Variants in FER1L6 observed in about 807,000 individuals in gnomAD.
FER1L6 encodes fer-1-like protein 6.
In FER1L6, 177 loss-of-function variants were observed where a neutral mutation model predicts 219.2. That is an observed-to-expected ratio of 0.81 (90% CI 0.71 to 0.91). The LOEUF (loss-of-function observed/expected upper bound fraction) is 0.91. Among genes scored for constraint, FER1L6 ranks in the 40% least tolerant of loss-of-function variants. The pLI, the probability that FER1L6 is intolerant of heterozygous loss-of-function variation, is 0.00. For synonymous variants in FER1L6, 768 were observed against 824.3 expected (o/e 0.93, Z 1.17); for missense variants, 2,153 against 2,259.9 (o/e 0.95, Z 0.96).
At chr8:124,059,892 A>G (rs1187043793) in intron 22 of FER1L6, among the ~76,000 whole-genome samples, 5 of 152,192 alleles carry the variant, frequency 3.3e-5, no homozygotes, top group Non-Finnish European at 7.3e-5. Context: ...TGTAAAGACC[A>G]TCTTCCGTAT....
intron 10 of FER1L6, among the ~76,000 whole-genome samples, chr8:123,978,067 T>TG (rs145336334): frequency 0.015 from 2,239 of 152,116 alleles, 31 homozygotes; most frequent in African/African-American, 0.035. Context: ...GTAGGGTCTG[T>TG]GGTTTGAGTT....
intron 1 of FER1L6, among the ~76,000 whole-genome samples, chr8:123,941,820 G>C (rs188122071): frequency 2.6e-5 from 4 of 152,266 alleles, no homozygotes; most frequent in Non-Finnish European, 5.9e-5. Flanking sequence ...GCAGACGAGG[G>C]AAGGAGGCTT....
intron 1 of FER1L6, among the ~76,000 whole-genome samples, chr8:123,902,366 C>T (rs1414978798): frequency 6.6e-6 from 1 of 152,062 alleles, no homozygotes; most frequent in African/African-American, 2.4e-5. Context: ...TCTTTGTTGA[C>T]TTTTTGTCTT....
chr8:124,111,959 ACT>A lies in FER1L6; in HGVS notation c.5290-6882_5290-6881del, dbSNP rs1444493172. ...TTGCTCTGGTTCAAATGCCTCTGAC[ACT>A]CTTTCCCCCTTAAGTAACCAATAAC... On this transcript the variant is annotated intron_variant, in intron 39 of 40. Transcript: ENST00000522917. The surrounding 1 kb of genome is among the most constrained non-coding windows in gnomAD (Gnocchi z 5.0). Among the ~76,000 whole-genome samples the A allele has an allele frequency of 1.3e-5, 2 of 152,032 alleles. No individual in the cohort carries two copies. Among genetic ancestry groups the A allele is most frequent in the Non-Finnish European group, 2.9e-5 (2 of 68,004 alleles).
chr8:124,049,954 AGT>A (rs1819930927), intron 22 of FER1L6, among the ~76,000 whole-genome samples, 198 bp downstream of exon 22: 1 of 152,132 alleles, frequency 6.6e-6, no homozygotes. Context: ...TGAGCTTATA[AGT>A]CAGAATCTCA....
chr8:124,052,775 ACT>A (rs1491122205), intron 22 of FER1L6, among the ~76,000 whole-genome samples: 2 of 152,010 alleles, frequency 1.3e-5, no homozygotes, highest in Admixed American at 6.6e-5. Context: ...ACAGAGCAAG[ACT>A]CTGTCTCAAA....
At chr8:124,021,413 G>T (rs181288020) in intron 16 of FER1L6, 137 bp from the exon 17 acceptor site, 17 of 1,097,074 alleles carry the variant, frequency 1.5e-5, no homozygotes, top group Non-Finnish European at 2.1e-5. Flanking sequence ...CAGCATGCAC[G>T]GTGGCAGACC....
At chr8:124,017,051 T>C (rs1586595909) in intron 15 of FER1L6, among the ~76,000 whole-genome samples, 3 of 152,304 alleles carry the variant, frequency 2.0e-5, no homozygotes, top group South Asian at 4.1e-4. Flanking sequence ...ATGTTATTAA[T>C]TTTAATTTGC....
At chr8:124,032,002 C>G (rs1818988703) in intron 18 of FER1L6, among the ~76,000 whole-genome samples, 1 of 152,194 alleles carries the variant, frequency 6.6e-6, no homozygotes, top group Admixed American at 6.5e-5. Flanking sequence ...CAGCAACAGT[C>G]TTTGTGGAAC....
intron 34 of FER1L6, 46 bp from the exon 35 acceptor site, chr8:124,094,850 C>A (rs547355782): frequency 5.0e-6 from 8 of 1,607,376 alleles, no homozygotes; most frequent in Non-Finnish European, 6.8e-6. Flanking sequence ...ATCACTGTCT[C>A]CTTGCAGGAA....
intron 1 of FER1L6, among the ~76,000 whole-genome samples, chr8:123,925,133 T>G (rs1813514492): frequency 1.3e-5 from 2 of 152,258 alleles, no homozygotes; most frequent in African/African-American, 2.4e-5. Flanking sequence ...CGATATGTAA[T>G]GGACACTGAA....
At chr8:124,049,856 C>T (rs1367066773) in intron 22 of FER1L6, 100 bp downstream of exon 22, 16 of 1,202,534 alleles carry the variant, frequency 1.3e-5, no homozygotes, top group Non-Finnish European at 1.6e-5. Context: ...CCTGATCCCT[C>T]GCTGCAATCC....
chr8:124,106,031 G>A (rs1180953878), intron 39 of FER1L6, among the ~76,000 whole-genome samples: 2 of 152,114 alleles, frequency 1.3e-5, no homozygotes, highest in Admixed American at 6.6e-5. Context: ...CTGGTATGGA[G>A]TTTCTTTTTG....
chr8:124,042,849 A>G (rs765420584), intron 20 of FER1L6, among the ~76,000 whole-genome samples: 4 of 152,232 alleles, frequency 2.6e-5, no homozygotes, highest in Non-Finnish European at 4.4e-5. Context: ...AGGGGAATCC[A>G]GTCATTCCCA....
intron 14 of FER1L6, among the ~76,000 whole-genome samples, chr8:124,011,815 A>G (rs1817946901): frequency 6.6e-6 from 1 of 152,132 alleles, no homozygotes; most frequent in African/African-American, 2.4e-5. Context: ...TGGACCTCTT[A>G]TCATACTTTA....
intron 1 of FER1L6, among the ~76,000 whole-genome samples, chr8:123,887,261 C>T (rs1254303396): frequency 6.6e-6 from 1 of 152,144 alleles, no homozygotes; most frequent in African/African-American, 2.4e-5. Context: ...ATTGCTGTCT[C>T]AGTAATTGCC....
chr8:123,902,981 C>T (rs1375061101), intron 1 of FER1L6, among the ~76,000 whole-genome samples: 2 of 151,786 alleles, frequency 1.3e-5, no homozygotes, highest in South Asian at 2.1e-4. Flanking sequence ...TTTAGCAGTC[C>T]TCGTGGTTGT....
At chr8:123,885,226 A>C (rs1468270171) in intron 1 of FER1L6, among the ~76,000 whole-genome samples, 4 of 152,208 alleles carry the variant, frequency 2.6e-5, no homozygotes, top group Non-Finnish European at 5.9e-5. Flanking sequence ...CTGTTGGTTT[A>C]GGCCATGCTG....
intron 14 of FER1L6, 72 bp downstream of exon 14, chr8:124,010,786 C>T (rs1379484344): frequency 6.4e-7 from 1 of 1,570,684 alleles, no homozygotes. Context: ...TAAAATCCAC[C>T]TAGTAGAGGA....
Sources: gnomAD v4.1 joint callset for allele counts (sites outside exome capture counted in the v4.1 genomes callset) on GRCh38, gnomAD v4.1.1 for gene constraint, Gnocchi (gnomAD v3.1) non-coding constraint, MANE v1.5 for transcripts, NCBI Gene and HGNC (gene_info 2026-07-23, HGNC 2026-07-21) for gene names.